Variants in CDH12 observed in about 807,000 individuals in gnomAD.
The protein encoded by CDH12 is cadherin 12.
CDH12 carries 41 observed loss-of-function variants against 74.1 expected under a neutral mutation model. The observed-to-expected ratio is 0.55, with a 90% CI of 0.43 to 0.72. The LOEUF (loss-of-function observed/expected upper bound fraction) is 0.72. CDH12 is among the 30% of genes least tolerant of loss of function. The pLI is 0.00. For synonymous variants in CDH12, 399 were observed against 355.0 expected (o/e 1.12, Z -1.39); for missense variants, 945 against 977.2 (o/e 0.97, Z 0.44).
intron 6 of CDH12, among the ~76,000 whole-genome samples, chr5:21,877,912 A>C (rs1221506345): frequency 6.6e-6 from 1 of 152,252 alleles, no homozygotes; most frequent in East Asian, 1.9e-4. Flanking sequence ...TGGAAAATCC[A>C]TTAAAATAAA....
chr5:22,355,330 C>T (rs1475868931), intron 3 of CDH12, among the ~76,000 whole-genome samples: 1 of 152,010 alleles, frequency 6.6e-6, no homozygotes, highest in South Asian at 2.1e-4. Context: ...CAGAATGTAG[C>T]TTACTTTTCA....
intron 10 of CDH12, among the ~76,000 whole-genome samples, chr5:21,789,173 T>A (rs1746357697): frequency 6.6e-6 from 1 of 152,174 alleles, no homozygotes; most frequent in Non-Finnish European, 1.5e-5. Flanking sequence ...ATGTATTATA[T>A]ATGTTACATA....
At chr5:22,499,800 G>T (rs138819252) in intron 2 of CDH12, among the ~76,000 whole-genome samples, 100 of 152,142 alleles carry the variant, frequency 6.6e-4, no homozygotes, top group African/African-American at 2.3e-3. Flanking sequence ...AAAGTCAGAT[G>T]AAATCATTTA....
intron 1 of CDH12, among the ~76,000 whole-genome samples, chr5:22,830,113 C>A (rs886468561): frequency 9.2e-5 from 14 of 152,142 alleles, no homozygotes; most frequent in African/African-American, 3.4e-4. Context: ...CAGGCGATAT[C>A]ATCAAAAGGA....
At chr5:22,772,190 G>T (rs192676779) in intron 1 of CDH12, among the ~76,000 whole-genome samples, 1 of 151,956 alleles carries the variant, frequency 6.6e-6, no homozygotes, top group African/African-American at 2.4e-5. Context: ...TTTAAGAAGA[G>T]AATACCTGAA....
chr5:21,960,677 C>T (rs1756316219), intron 6 of CDH12, among the ~76,000 whole-genome samples: 1 of 151,966 alleles, frequency 6.6e-6, no homozygotes, highest in Admixed American at 6.6e-5. Context: ...GGATTCACTG[C>T]CAGTATATAT....
chr5:21,833,038 T>TATATAATATATTATATGTAAC (rs1749176425), intron 8 of CDH12, among the ~76,000 whole-genome samples: 1 of 67,174 alleles, frequency 1.5e-5, no homozygotes, highest in African/African-American at 6.3e-5. Context: ...TAATATATAA[T>TATATAATATATTATATGTAAC]ATATAATATA....
chr5:22,555,862 A>C (rs1443974462), intron 1 of CDH12, among the ~76,000 whole-genome samples: 1 of 147,076 alleles, frequency 6.8e-6, no homozygotes, highest in Non-Finnish European at 1.5e-5. Context: ...AATAAAACAC[A>C]AACAATCAAG....
At chr5:22,504,937 T>A (rs990853589) in intron 2 of CDH12, among the ~76,000 whole-genome samples, 3 of 151,906 alleles carry the variant, frequency 2.0e-5, no homozygotes, top group Admixed American at 2.0e-4. Context: ...AAGGCAGAAA[T>A]CACTTTCTGT....
intron 1 of CDH12, among the ~76,000 whole-genome samples, chr5:22,610,147 CTA>C: frequency 6.6e-6 from 1 of 152,272 alleles, no homozygotes; most frequent in East Asian, 1.9e-4. Context: ...CTCATGGTGA[CTA>C]TATATTCTCC....
intron 1 of CDH12, among the ~76,000 whole-genome samples, chr5:22,698,676 GATATATATATATATATAT>G (rs1193077466): frequency 0.097 from 2,993 of 30,942 alleles, 260 homozygotes; most frequent in Admixed American, 0.22. Flanking sequence ...TCAATCCCCA[GATATATATATATATATAT>G]ATATATATAT....
chr5:22,359,574 G>A (rs1740710894), intron 3 of CDH12, among the ~76,000 whole-genome samples: 1 of 152,162 alleles, frequency 6.6e-6, no homozygotes, highest in Admixed American at 6.5e-5. Flanking sequence ...TCTGCACCAA[G>A]TGGACCTAAT....
At chr5:22,250,481 C>A (rs149498631) in intron 3 of CDH12, among the ~76,000 whole-genome samples, 2,489 of 152,206 alleles carry the variant, frequency 0.016, 28 homozygotes, top group South Asian at 0.018. Flanking sequence ...CTTTTCTAAC[C>A]CAGCCTTAGA....
chr5:21,985,137 T>C (rs1396443929), intron 5 of CDH12, among the ~76,000 whole-genome samples: 1 of 152,194 alleles, frequency 6.6e-6, no homozygotes, highest in Non-Finnish European at 1.5e-5. Context: ...TTCCTTAATA[T>C]AGATGGATCA....
At chr5:22,191,886 G>C (rs541558356) in intron 4 of CDH12, among the ~76,000 whole-genome samples, 1 of 151,918 alleles carries the variant, frequency 6.6e-6, no homozygotes, top group East Asian at 2.0e-4. Flanking sequence ...TTAAAGAACA[G>C]ATTCTTTCAT....
At chr5:21,798,555 T>C (rs1342747023) in intron 10 of CDH12, among the ~76,000 whole-genome samples, 1 of 152,122 alleles carries the variant, frequency 6.6e-6, no homozygotes, top group Admixed American at 6.6e-5. Context: ...AAAATTCATA[T>C]GTTGAAATCC....
intron 4 of CDH12, among the ~76,000 whole-genome samples, chr5:22,203,448 G>T (rs1751032391): frequency 6.6e-6 from 1 of 152,128 alleles, no homozygotes; most frequent in African/African-American, 2.4e-5. Context: ...TGGCTGAATA[G>T]TATTCTACTG....
intron 1 of CDH12, among the ~76,000 whole-genome samples, chr5:22,604,246 G>A (rs958974725): frequency 1.3e-5 from 2 of 152,152 alleles, no homozygotes; most frequent in Non-Finnish European, 2.9e-5. Context: ...CTGGGGGGTG[G>A]GGTATTGAGG....
At chr5:22,625,656 C>A (rs1243730342) in intron 1 of CDH12, among the ~76,000 whole-genome samples, 1 of 152,178 alleles carries the variant, frequency 6.6e-6, no homozygotes, top group East Asian at 1.9e-4. Context: ...TAAGGCCTGT[C>A]CTATCTGAGT....
Sources: gnomAD v4.1 joint callset for allele counts (sites outside exome capture counted in the v4.1 genomes callset) on GRCh38, gnomAD v4.1.1 for gene constraint, MANE v1.5 for transcripts, NCBI Gene and HGNC (gene_info 2026-07-23, HGNC 2026-07-21) for gene names.